Variants in ANKMY2 observed in about 807,000 individuals in gnomAD.
The protein encoded by ANKMY2 is ankyrin repeat and MYND domain containing 2, also known as ankyrin repeat and MYND domain-containing protein 2.
Under a neutral mutation model 50.4 loss-of-function variants are expected in ANKMY2, and 36 were observed. That is an observed-to-expected ratio of 0.71 (90% CI 0.55 to 0.94). The LOEUF (loss-of-function observed/expected upper bound fraction) is 0.94. ANKMY2 is among the 40% of genes least tolerant of loss of function. The probability of loss-of-function intolerance (pLI) is 0.00; values close to 1 mark genes in which losing one functional copy is unlikely to be tolerated. For missense variants in ANKMY2, 565 were observed against 524.0 expected (o/e 1.08, Z -0.76); for synonymous variants, 187 against 178.8 (o/e 1.05, Z -0.36).
intron 2 of ANKMY2, among the ~76,000 whole-genome samples, chr7:16,633,906 A>G (rs189911540): frequency 1.5e-3 from 226 of 152,256 alleles, no homozygotes; most frequent in Admixed American, 2.6e-3. Context: ...CCTATAGCTG[A>G]TAAGTTTATA....
At chr7:16,601,207 T>C (rs538921061) in intron 9 of ANKMY2, among the ~76,000 whole-genome samples, 1 of 152,308 alleles carries the variant, frequency 6.6e-6, no homozygotes, top group South Asian at 2.1e-4. Context: ...TAAATCAAGA[T>C]TGTTGCTTGG....
At chr7:16,631,163 T>TATG (rs1229461908) in intron 2 of ANKMY2, among the ~76,000 whole-genome samples, 1 of 145,922 alleles carries the variant, frequency 6.9e-6, no homozygotes, top group Non-Finnish European at 1.5e-5. Flanking sequence ...TAGCATCTGT[T>TATG]GTGGTGATCC....
intron 1 of ANKMY2, chr7:16,644,836 G>C (rs755719118): frequency 2.5e-6 from 1 of 404,784 alleles, no homozygotes. Flanking sequence ...ACAAGAAAGC[G>C]CGAAGGAGCG....
chr7:16,602,281 C>T, intron 9 of ANKMY2, 99 bp downstream of exon 9: 1 of 1,437,180 alleles, frequency 7.0e-7, no homozygotes, highest in Non-Finnish European at 9.4e-7. Flanking sequence ...TCCTGAGCTC[C>T]TATGGCTTCC....
At chr7:16,640,056 C>T (rs1781724421) in intron 1 of ANKMY2, among the ~76,000 whole-genome samples, 1 of 151,894 alleles carries the variant, frequency 6.6e-6, no homozygotes, top group Admixed American at 6.6e-5. Context: ...GTCCTAGCTA[C>T]TCAGGAGGTT....
At chr7:16,610,887 T>C (rs1190927734) in intron 5 of ANKMY2, 124 bp from the exon 6 acceptor site, 1 of 810,430 alleles carries the variant, frequency 1.2e-6, no homozygotes, top group Non-Finnish European at 1.9e-6. Context: ...CATGAAGTTA[T>C]TATGTTATTT....
intron 8 of ANKMY2, 124 bp from the exon 9 acceptor site, chr7:16,602,633 T>C: frequency 8.1e-7 from 1 of 1,236,230 alleles, no homozygotes; most frequent in African/African-American, 1.5e-5. Flanking sequence ...AAAACCATAA[T>C]ATGTGGTTGA....
At chr7:16,624,480 CATT>C (rs1177663471) in intron 4 of ANKMY2, among the ~76,000 whole-genome samples, 1 of 152,200 alleles carries the variant, frequency 6.6e-6, no homozygotes, top group Non-Finnish European at 1.5e-5. Context: ...AGAGTTATGT[CATT>C]GTTGTAATAA....
At chr7:16,633,321 T>A (rs1781613440) in intron 2 of ANKMY2, among the ~76,000 whole-genome samples, 1 of 152,070 alleles carries the variant, frequency 6.6e-6, no homozygotes, top group Non-Finnish European at 1.5e-5. Context: ...TTTATTTCTG[T>A]TTTTTCTAAA....
intron 3 of ANKMY2, among the ~76,000 whole-genome samples, chr7:16,625,503 G>A (rs1430633546): frequency 1.3e-5 from 2 of 152,066 alleles, no homozygotes; most frequent in Non-Finnish European, 2.9e-5. Flanking sequence ...ATTAACCACT[G>A]GGCATCTATC....
rs575689904 is a variant in ANKMY2, at chr7:16,604,463, T to C, written c.1011+258A>G. ...TTATTTTCTCATATTCATTCATTCA[T>C]ATCCTTTCTTTCCATGAGGTGATCA... On this transcript the variant is annotated intron_variant, in intron 8 of 9. Coordinates refer to ENST00000306999, the MANE Select transcript of ANKMY2 (RefSeq NM_020319.3). 4.6e-5 allele frequency among the ~76,000 whole-genome samples: 7 copies of C among 152,360 alleles called. No homozygotes were observed. The South Asian group carries it at 1.4e-3, about 32-fold the overall frequency.
chr7:16,620,549 G>C (rs1781418742), intron 4 of ANKMY2, among the ~76,000 whole-genome samples: 1 of 150,956 alleles, frequency 6.6e-6, no homozygotes, highest in Non-Finnish European at 1.5e-5. Context: ...ATGTGGTACT[G>C]TACAGTTTTG....
chr7:16,602,867 G>A (rs1562764655), intron 8 of ANKMY2, among the ~76,000 whole-genome samples: 1 of 152,162 alleles, frequency 6.6e-6, no homozygotes, highest in Non-Finnish European at 1.5e-5. Flanking sequence ...TCCAGCTCCT[G>A]CCATGTGACA....
chr7:16,634,624 T>C (rs1046489926), intron 2 of ANKMY2, among the ~76,000 whole-genome samples: 1 of 152,140 alleles, frequency 6.6e-6, no homozygotes, highest in Non-Finnish European at 1.5e-5. Flanking sequence ...CCTGGGCAAA[T>C]AACTAGCTGA....
intron 9 of ANKMY2, 37 bp downstream of exon 9, chr7:16,602,343 C>T (rs1285671510): frequency 1.9e-5 from 31 of 1,600,966 alleles, no homozygotes; most frequent in Admixed American, 3.4e-5. Context: ...TCTCTCTCCA[C>T]TAAAAAGCAG....
chr7:16,624,019 G>A (rs1466688925), intron 4 of ANKMY2, among the ~76,000 whole-genome samples: 2 of 152,016 alleles, frequency 1.3e-5, no homozygotes, highest in East Asian at 1.9e-4. Flanking sequence ...GAATTGGACA[G>A]ATCCTCCTCT....
intron 4 of ANKMY2, among the ~76,000 whole-genome samples, chr7:16,621,071 T>C (rs150844424): frequency 7.3e-4 from 111 of 152,202 alleles, no homozygotes; most frequent in African/African-American, 2.3e-3. Flanking sequence ...CAAATAGAAA[T>C]CAAGATAAAG....
At chr7:16,618,632 G>T (rs1295000222) in intron 4 of ANKMY2, among the ~76,000 whole-genome samples, 1 of 152,116 alleles carries the variant, frequency 6.6e-6, no homozygotes, top group African/African-American at 2.4e-5. Flanking sequence ...CATACGTCTT[G>T]AAAAGTCAAA....
chr7:16,603,803 T>G, intron 8 of ANKMY2: 1 of 440,630 alleles, frequency 2.3e-6, no homozygotes, highest in Non-Finnish European at 4.6e-6. Flanking sequence ...GCTATTGCCA[T>G]GACAACATGC....
Sources: allele counts gnomAD v4.1 joint callset (sites outside exome capture counted in the v4.1 genomes callset), GRCh38; gene constraint gnomAD v4.1.1; transcripts MANE v1.5; gene names NCBI Gene and HGNC (gene_info 2026-07-23, HGNC 2026-07-21).